Variants in ADGB observed in about 807,000 individuals in gnomAD.
ADGB encodes calpain-7-like protein.
A neutral mutation model predicts 210.5 loss-of-function variants in ADGB; 172 were observed. That is an observed-to-expected ratio of 0.82 (90% CI 0.72 to 0.93). The LOEUF (loss-of-function observed/expected upper bound fraction) is 0.93, where lower values mean the gene tolerates loss of function less well. Among genes scored for constraint, ADGB ranks in the 40% least tolerant of loss-of-function variants. ADGB has a pLI of 0.00. For synonymous variants in ADGB, 658 were observed against 662.7 expected, an observed-to-expected ratio of 0.99 and a Z score of 0.11; for missense variants, 2,025 against 1,964.8, an observed-to-expected ratio of 1.03 and a Z score of -0.58.
Position 146,782,012 on chromosome 6 carries a change from C to G in ADGB, c.3863-8C>G, listed in dbSNP as rs1777807754. The G allele has an allele frequency of 6.9e-7, 1 of 1,455,602 alleles. No individual in the cohort carries two copies. The highest frequency in any genetic ancestry group is 9.0e-7 in the Non-Finnish European group (1 of 1,107,770). 90.2% of individuals were successfully genotyped at this position (1,455,602 alleles called of 1,614,324 possible). A position where few individuals can be genotyped will look rare whatever the true frequency, so the allele number is the denominator to read the frequency against. ...GACTCACCATTTTTTATTTTTATGT[C>G]TCTCTAGCTTATGGTGAAAGACACG... On this transcript the variant is annotated splice_region_variant and splice_polypyrimidine_tract_variant and intron_variant, in intron 29 of 35. Transcript: ENST00000397944.
intron 5 of ADGB, among the ~76,000 whole-genome samples, chr6:146,658,272 A>G (rs1775811206): frequency 1.3e-5 from 2 of 152,162 alleles, no homozygotes; most frequent in Non-Finnish European, 2.9e-5. Context: ...AAGAGAAAAT[A>G]ACTTTCTAAG....
chr6:146,747,357 T>G (rs1777255021), intron 26 of ADGB, among the ~76,000 whole-genome samples: 2 of 152,274 alleles, frequency 1.3e-5, no homozygotes, highest in South Asian at 4.1e-4. Context: ...AACTATCGTA[T>G]CACATGGCAG....
At chr6:146,618,793 T>C (rs1780841640) in intron 1 of ADGB, among the ~76,000 whole-genome samples, 1 of 150,682 alleles carries the variant, frequency 6.6e-6, no homozygotes, top group African/African-American at 2.4e-5. Context: ...TGGAGAATGT[T>C]TCATGTGCTG....
At chr6:146,709,875 T>C (rs1776634836) in intron 13 of ADGB, among the ~76,000 whole-genome samples, 1 of 152,200 alleles carries the variant, frequency 6.6e-6, no homozygotes, top group Non-Finnish European at 1.5e-5. Context: ...ATTCAGTTGC[T>C]ATAACCTTTC....
chr6:146,691,453 TATATAAAAATATATATATATATAA>T (rs1776318676), intron 11 of ADGB, among the ~76,000 whole-genome samples, 163 bp downstream of exon 11: 3 of 19,506 alleles, frequency 1.5e-4, no homozygotes, highest in African/African-American at 1.0e-3. Flanking sequence ...AAAATATATA[TATATAAAAATATATATATATATAA>T]ATATATATAT....
intron 29 of ADGB, among the ~76,000 whole-genome samples, chr6:146,775,938 T>C (rs1284352485): frequency 1.3e-5 from 2 of 152,066 alleles, no homozygotes; most frequent in Admixed American, 6.6e-5. Context: ...ATTTTCAAAT[T>C]CCAACCTGAT....
chr6:146,614,435 T>C (rs1044500381), intron 1 of ADGB, among the ~76,000 whole-genome samples: 3 of 152,180 alleles, frequency 2.0e-5, no homozygotes, highest in African/African-American at 7.2e-5. Context: ...TTTCCTGTTA[T>C]CAGTCCCCAG....
In ADGB at chr6:146,636,883, T is replaced by A. The variant is rs987052655; in HGVS notation, c.237+1346T>A. Among the ~76,000 whole-genome samples the A allele has an allele frequency of 3.9e-5, 6 of 152,050 alleles. No individual in the cohort carries two copies. In the East Asian group the frequency reaches 9.7e-4, roughly 24 times the overall value. On this transcript the variant is annotated intron_variant, in intron 2 of 35. Coordinates refer to ENST00000397944, the MANE Select transcript of ADGB (RefSeq NM_024694.4). ...AATATAACAAGTATCCTGGGAGTTT[T>A]GCAGAAGGCCGCTTCCCTAGACATG...
At chr6:146,772,533 G>T (rs1375310372) in intron 29 of ADGB, among the ~76,000 whole-genome samples, 1 of 146,998 alleles carries the variant, frequency 6.8e-6, no homozygotes, top group Non-Finnish European at 1.5e-5. Context: ...CAGTAGTACT[G>T]GTTTCACGTC....
intron 27 of ADGB, among the ~76,000 whole-genome samples, chr6:146,755,767 T>G (rs116048708): frequency 0.012 from 1,776 of 144,964 alleles, 26 homozygotes; most frequent in African/African-American, 0.043. Flanking sequence ...CACATTATAT[T>G]TCTTAATTGA....
At chr6:146,752,340 T>C (rs1452005117) in intron 26 of ADGB, among the ~76,000 whole-genome samples, 190 bp from the exon 27 acceptor site, 2 of 152,034 alleles carry the variant, frequency 1.3e-5, no homozygotes, top group South Asian at 2.1e-4. Flanking sequence ...ACCAAGTAGA[T>C]GGTGCTAAAC....
chr6:146,810,788 G>C (rs1476155371), intron 35 of ADGB, among the ~76,000 whole-genome samples: 1 of 152,136 alleles, frequency 6.6e-6, no homozygotes, highest in Non-Finnish European at 1.5e-5. Flanking sequence ...GTGGTTACCA[G>C]AGACTTAGGG....
At position 146,599,090 on chromosome 6, in the gene ADGB, C is replaced by T. The variant is rs1192125570; in HGVS notation, c.50C>T (p.Ala17Val). The change falls in exon 1 of 36, where the codon GCG (alanine) becomes GTG (valine). Residue 17 changes from alanine to valine, a missense_variant. Ala to Val is a moderately conservative substitution (Grantham distance 64). Transcript: ENST00000397944. ...AAAGAGGTGCATCGTATCAACTCGG[C>T]GCACGGATCGGATAAATCGAAAGAG... is the stretch of plus-strand genomic sequence containing the variant. Reference protein sequence around the residue: ...KKKEVHRINSAHGSDKSKDFY... With the variant: ...KKKEVHRINSVHGSDKSKDFY... 7 of 1,551,594 alleles carry T rather than the reference C, an allele frequency of 4.5e-6. No individual in the cohort carries two copies. In the Admixed American group the frequency reaches 1.4e-4, roughly 30 times the overall value.
chr6:146,800,378 A>C (rs1778110242), intron 33 of ADGB, among the ~76,000 whole-genome samples: 1 of 152,184 alleles, frequency 6.6e-6, no homozygotes, highest in African/African-American at 2.4e-5. Flanking sequence ...CAAAGTGACT[A>C]TTATAGGACA....
At chr6:146,684,687 G>A (rs1375083172) in intron 9 of ADGB, among the ~76,000 whole-genome samples, 1 of 152,048 alleles carries the variant, frequency 6.6e-6, no homozygotes, top group Admixed American at 6.6e-5. Flanking sequence ...TCCACAAGGA[G>A]TAGGTCAAAT....
chr6:146,702,692 C>T (rs1002197627), intron 13 of ADGB, among the ~76,000 whole-genome samples: 1 of 151,802 alleles, frequency 6.6e-6, no homozygotes, highest in Non-Finnish European at 1.5e-5. Flanking sequence ...TAAAGAGTAT[C>T]TTCATTCTTA....
chr6:146,734,288 C>G (rs549839276), intron 22 of ADGB, among the ~76,000 whole-genome samples: 26 of 152,288 alleles, frequency 1.7e-4, no homozygotes, highest in African/African-American at 6.0e-4. Context: ...AATGCATTAT[C>G]AGCTTTGTTT....
intron 11 of ADGB, among the ~76,000 whole-genome samples, chr6:146,691,491 TATATATA>T (rs1776324828): frequency 2.9e-4 from 5 of 17,170 alleles, no homozygotes; most frequent in African/African-American, 1.8e-3. Flanking sequence ...TATATATATA[TATATATA>T]TATTTTTTTT....
chr6:146,666,328 G>A (rs1212406299), intron 6 of ADGB, among the ~76,000 whole-genome samples: 2 of 152,114 alleles, frequency 1.3e-5, no homozygotes, highest in Non-Finnish European at 1.5e-5. Context: ...CTTCTGTACA[G>A]GACAGAACAG....
Sources: allele counts gnomAD v4.1 joint callset (sites outside exome capture counted in the v4.1 genomes callset), GRCh38; gene constraint gnomAD v4.1.1; transcripts MANE v1.5; gene names NCBI Gene and HGNC (gene_info 2026-07-23, HGNC 2026-07-21).